CDKAL1: variants seen among roughly 807,000 people sequenced by gnomAD.
CDKAL1 encodes the protein threonylcarbamoyladenosine tRNA methylthiotransferase.
CDKAL1 carries 32 observed loss-of-function variants against 68.2 expected under a neutral mutation model. The ratio of observed to expected loss-of-function variants is 0.47; its 90% CI spans 0.35 to 0.63. The LOEUF (loss-of-function observed/expected upper bound fraction) is 0.63. Ranked by LOEUF, CDKAL1 falls within the 30% of genes least tolerant of loss-of-function variation. CDKAL1 has a pLI of 0.00. For synonymous variants in CDKAL1, 234 were observed against 244.3 expected (o/e 0.96, Z 0.39); for missense variants, 606 against 696.7 (o/e 0.87, Z 1.47).
intron 4 of CDKAL1, among the ~76,000 whole-genome samples, chr6:20,589,442 C>A (rs1204400602): frequency 6.6e-6 from 1 of 152,144 alleles, no homozygotes; most frequent in Non-Finnish European, 1.5e-5. Flanking sequence ...TGCTGAAAGC[C>A]AATGAAATTG....
At chr6:21,162,425 A>G (rs1776965112) in intron 13 of CDKAL1, among the ~76,000 whole-genome samples, 1 of 152,196 alleles carries the variant, frequency 6.6e-6, no homozygotes, top group Admixed American at 6.5e-5. Flanking sequence ...CTGATGGAAA[A>G]CAGGTAAATG....
chr6:21,208,495 T>G (rs1408295610), intron 15 of CDKAL1, among the ~76,000 whole-genome samples: 3 of 152,184 alleles, frequency 2.0e-5, no homozygotes, highest in Non-Finnish European at 2.9e-5. Flanking sequence ...CACTTGAAAG[T>G]GGGTCTAATT....
At chr6:20,558,596 C>T (rs1486826740) in intron 4 of CDKAL1, 1 of 456,320 alleles carries the variant, frequency 2.2e-6, no homozygotes, top group Admixed American at 2.4e-5. Flanking sequence ...TAGCCTGGGC[C>T]AGGAAAAATC....
intron 9 of CDKAL1, among the ~76,000 whole-genome samples, chr6:20,879,102 A>G (rs6915746): frequency 0.5 from 76,523 of 151,758 alleles, 19,628 homozygotes; most frequent in South Asian, 0.52. Context: ...GAAAAAAATA[A>G]TAAATAAATA....
chr6:20,750,161 C>A (rs1052099722), intron 6 of CDKAL1, among the ~76,000 whole-genome samples: 4 of 152,070 alleles, frequency 2.6e-5, no homozygotes, highest in African/African-American at 9.7e-5. Flanking sequence ...GTCACTCTGG[C>A]TAAGTGGAAT....
chr6:21,174,720 G>T (rs963675573), intron 13 of CDKAL1, among the ~76,000 whole-genome samples: 2 of 133,394 alleles, frequency 1.5e-5, no homozygotes, highest in Non-Finnish European at 3.1e-5. Flanking sequence ...AGGCCATTTT[G>T]GAGGGCAATT....
At chr6:21,103,591 C>A (rs539913816) in intron 12 of CDKAL1, among the ~76,000 whole-genome samples, 1 of 152,030 alleles carries the variant, frequency 6.6e-6, no homozygotes, top group Non-Finnish European at 1.5e-5. Context: ...TTTTTAAACC[C>A]ACGGCAGCCC....
At position 20,932,437 on chromosome 6, in the gene CDKAL1, G is replaced by A. The variant is rs866498641; in HGVS notation, c.743-22982G>A. ...TTATTGGCAATTCTGAAGCACAGTA[G>A]CACTTCAGACCCATTTTTCCTATCG... is the stretch of plus-strand genomic sequence containing the variant. On this transcript the variant is annotated intron_variant, in intron 9 of 15. Transcript: ENST00000274695. Among the ~76,000 whole-genome samples, 6 of 152,074 alleles carry A rather than the reference G, an allele frequency of 3.9e-5. No individual in the cohort carries two copies. The South Asian group carries it at 8.3e-4, about 21-fold the overall frequency.
chr6:20,862,635 TTGTG>T (rs56736298), intron 9 of CDKAL1, among the ~76,000 whole-genome samples: 12,752 of 149,102 alleles, frequency 0.086, 576 homozygotes, highest in Admixed American at 0.097. Flanking sequence ...TCTTTCCAAC[TTGTG>T]TGTGTGTGTG....
chr6:21,070,447 G>A (rs1191395951), intron 12 of CDKAL1, among the ~76,000 whole-genome samples: 1 of 142,612 alleles, frequency 7.0e-6, no homozygotes, highest in Non-Finnish European at 1.5e-5. Flanking sequence ...GTCTTCCCTG[G>A]ATTTCACTGG....
Position 21,102,678 on chromosome 6 carries a change from G to A in CDKAL1, c.1237-5723G>A, listed in dbSNP as rs1773640588. On this transcript the variant is annotated intron_variant, in intron 12 of 15. Coordinates refer to ENST00000274695, the MANE Select transcript of CDKAL1 (RefSeq NM_017774.3). Reference sequence around the variant, plus strand: ...TGTTTCTGTCGTGTAAACCAGTCCTGGAGCCCTAGCGTGTATTACCTGGAA... The same window carrying A: ...TGTTTCTGTCGTGTAAACCAGTCCTAGAGCCCTAGCGTGTATTACCTGGAA... 3.3e-5 allele frequency among the ~76,000 whole-genome samples: 5 copies of A among 152,198 alleles called. No homozygotes were observed. In the South Asian group the frequency reaches 8.3e-4, roughly 25 times the overall value.
At chr6:20,867,958 A>C (rs546791482) in intron 9 of CDKAL1, among the ~76,000 whole-genome samples, 4 of 152,290 alleles carry the variant, frequency 2.6e-5, no homozygotes, top group African/African-American at 9.6e-5. Context: ...TAGTACATCT[A>C]TATGGATGTA....
At chr6:20,656,227 A>G (rs1769019080) in intron 5 of CDKAL1, among the ~76,000 whole-genome samples, 1 of 152,196 alleles carries the variant, frequency 6.6e-6, no homozygotes, top group Non-Finnish European at 1.5e-5. Flanking sequence ...TGCAGAATTG[A>G]GGCAGATATC....
chr6:21,136,545 T>C (rs1775607768), intron 13 of CDKAL1, among the ~76,000 whole-genome samples: 1 of 152,240 alleles, frequency 6.6e-6, no homozygotes, highest in South Asian at 2.1e-4. Flanking sequence ...TTTGAAACTT[T>C]GAAAGCACAA....
chr6:20,867,088 G>A (rs1759947639), intron 9 of CDKAL1, among the ~76,000 whole-genome samples: 1 of 152,120 alleles, frequency 6.6e-6, no homozygotes, highest in Non-Finnish European at 1.5e-5. Context: ...AATTTCCTGA[G>A]GCTTCAATTT....
chr6:20,875,678 T>TAA (rs200525930), intron 9 of CDKAL1, among the ~76,000 whole-genome samples: 1 of 148,986 alleles, frequency 6.7e-6, no homozygotes, highest in Non-Finnish European at 1.5e-5. Context: ...CCTTCACTAA[T>TAA]GAAAAAAAAT....
chr6:21,022,514 A>G (rs550280256), intron 11 of CDKAL1, among the ~76,000 whole-genome samples: 38 of 152,310 alleles, frequency 2.5e-4, no homozygotes, highest in African/African-American at 8.2e-4. Flanking sequence ...TAAGTTGTCA[A>G]GAGAGCTTGA....
At chr6:21,192,535 G>A (rs1582391795) in intron 13 of CDKAL1, among the ~76,000 whole-genome samples, 1 of 152,202 alleles carries the variant, frequency 6.6e-6, no homozygotes, top group Non-Finnish European at 1.5e-5. Context: ...GGTAAGAATT[G>A]TCCCTTACTT....
At chr6:20,848,796 T>TC (rs1758839779) in intron 9 of CDKAL1, among the ~76,000 whole-genome samples, 1 of 149,892 alleles carries the variant, frequency 6.7e-6, no homozygotes, top group East Asian at 1.9e-4. Context: ...TTTCTTTCTT[T>TC]TTTTTTTTTT....
Sources: allele counts gnomAD v4.1 joint callset (sites outside exome capture counted in the v4.1 genomes callset), GRCh38; gene constraint gnomAD v4.1.1; transcripts MANE v1.5; gene names NCBI Gene and HGNC (gene_info 2026-07-23, HGNC 2026-07-21).